The following PRKD1 variants were observed in gnomAD, a reference collection of about 807,000 sequenced individuals.
PRKD1 encodes protein kinase D1.
A neutral mutation model predicts 95.9 loss-of-function variants in PRKD1; 63 were observed. That is an observed-to-expected ratio of 0.66 (90% CI 0.54 to 0.81). The LOEUF is 0.81. Among genes scored for constraint, PRKD1 ranks in the 30% least tolerant of loss-of-function variants. PRKD1 has a pLI of 0.00. For synonymous variants in PRKD1, 425 were observed against 423.1 expected (o/e 1.00, Z -0.05); for missense variants, 1,048 against 1,165.3 (o/e 0.90, Z 1.47).
rs184836834 is a variant in PRKD1 at position 29,708,724 on chromosome 14, G to A, written c.403+16812C>T. Among the ~76,000 whole-genome samples, 69 of 152,154 alleles carry A rather than the reference G, an allele frequency of 4.5e-4. No homozygotes were observed. The East Asian group carries it at 8.7e-3, about 19-fold the overall frequency. On this transcript the variant is annotated intron_variant, in intron 2 of 17. Coordinates refer to ENST00000331968, the MANE Select transcript of PRKD1 (RefSeq NM_002742.3). ...AAAAATTAGCCGGGCATGGTGGCTC[G>A]CATGCCAGTAGTCCCAGCTACGGAA...
chr14:29,660,677 C>A (rs1882140325), intron 4 of PRKD1, among the ~76,000 whole-genome samples: 1 of 151,944 alleles, frequency 6.6e-6, no homozygotes, highest in South Asian at 2.1e-4. Context: ...GGTGTGGGTT[C>A]AATTGGCTTT....
At chr14:29,642,531 C>T (rs138775472) in intron 4 of PRKD1, among the ~76,000 whole-genome samples, 474 of 152,142 alleles carry the variant, frequency 3.1e-3, no homozygotes, top group Middle Eastern at 0.01. Flanking sequence ...AATCATAATG[C>T]TGACAGAAAT....
chr14:29,620,680 C>G (rs1173758978), intron 13 of PRKD1, among the ~76,000 whole-genome samples: 386 of 152,026 alleles, frequency 2.5e-3, no homozygotes, highest in Non-Finnish European at 4.2e-3. Flanking sequence ...GAAACAACAG[C>G]TGCTGGAGAG....
At chr14:29,610,665 T>C (rs770970212) in intron 13 of PRKD1, among the ~76,000 whole-genome samples, 7 of 152,368 alleles carry the variant, frequency 4.6e-5, no homozygotes, top group Non-Finnish European at 8.8e-5. Context: ...TCTGGGTATT[T>C]ACCCAAAGAA....
At chr14:29,685,202 C>A (rs1231753110) in intron 2 of PRKD1, among the ~76,000 whole-genome samples, 1 of 152,122 alleles carries the variant, frequency 6.6e-6, no homozygotes, top group Admixed American at 6.6e-5. Context: ...GATAGGGGCA[C>A]CTTATTTGTA....
intron 1 of PRKD1, among the ~76,000 whole-genome samples, chr14:29,822,702 T>A (rs933073772): frequency 3.9e-5 from 6 of 152,114 alleles, no homozygotes; most frequent in Admixed American, 3.9e-4. Flanking sequence ...AAAATGTAGA[T>A]CTAAGTACAG....
intron 2 of PRKD1, among the ~76,000 whole-genome samples, chr14:29,697,573 C>T (rs1884596764): frequency 6.6e-6 from 1 of 152,140 alleles, no homozygotes; most frequent in Admixed American, 6.5e-5. Context: ...TAACCCATTG[C>T]AAACATCTAT....
intron 4 of PRKD1, chr14:29,650,623 T>C (rs1376948248): frequency 1.3e-5 from 2 of 152,220 alleles, no homozygotes; most frequent in African/African-American, 2.4e-5. Context: ...ACATGTATCC[T>C]GAAAGACTGA....
At chr14:29,688,948 C>CAAAAAAAAAAAA (rs377212196) in intron 2 of PRKD1, among the ~76,000 whole-genome samples, 74 of 32,496 alleles carry the variant, frequency 2.3e-3, no homozygotes, top group African/African-American at 3.1e-3. Context: ...GACTCCGTCT[C>CAAAAAAAAAAAA]AAAAAAAAAA....
intron 2 of PRKD1, among the ~76,000 whole-genome samples, chr14:29,678,645 G>A (rs992218084): frequency 1.2e-4 from 19 of 152,152 alleles, no homozygotes; most frequent in South Asian, 4.1e-4. Context: ...CAAAGAGTAT[G>A]TGTGTGCACA....
intron 1 of PRKD1, among the ~76,000 whole-genome samples, chr14:29,729,116 A>C (rs1030500997): frequency 6.6e-6 from 1 of 152,152 alleles, no homozygotes; most frequent in Non-Finnish European, 1.5e-5. Flanking sequence ...CCTATATTTT[A>C]TTCTACAAAT....
chr14:29,677,633 T>C (rs1433291031), intron 2 of PRKD1, among the ~76,000 whole-genome samples: 1 of 152,220 alleles, frequency 6.6e-6, no homozygotes, highest in Admixed American at 6.5e-5. Flanking sequence ...TGGAGTGCAG[T>C]GGCACAATCT....
At chr14:29,620,725 G>A (rs537067626) in intron 13 of PRKD1, among the ~76,000 whole-genome samples, 2 of 152,258 alleles carry the variant, frequency 1.3e-5, no homozygotes, top group Non-Finnish European at 2.9e-5. Flanking sequence ...CACACTGTTG[G>A]TGGGACTGTA....
chr14:29,856,318 C>A (rs1892499142), intron 1 of PRKD1, among the ~76,000 whole-genome samples: 1 of 152,142 alleles, frequency 6.6e-6, no homozygotes, highest in South Asian at 2.1e-4. Flanking sequence ...ATTCCCCAAT[C>A]CCTTTGAAAA....
rs535107143 is a variant in PRKD1 at position 29,850,455 on chromosome 14, C to A, written c.264+76794G>T. Among the ~76,000 whole-genome samples the A allele has an allele frequency of 6.4e-5, 5 of 77,986 alleles. No individual in the cohort carries two copies. The South Asian group carries it at 1.9e-3, about 30-fold the overall frequency. 51.2% of individuals were successfully genotyped at this position (77,986 alleles called of 152,430 possible). ...ATCAAGAAAGCAACCCCATTCAAAA[C>A]ACACACACACACACACACACACACA... On this transcript the variant is annotated intron_variant, in intron 1 of 17. Transcript: ENST00000331968.
chr14:29,764,526 C>T (rs1888172069), intron 1 of PRKD1, among the ~76,000 whole-genome samples: 1 of 152,090 alleles, frequency 6.6e-6, no homozygotes, highest in Non-Finnish European at 1.5e-5. Context: ...AAGTCCAAGA[C>T]CAAGGTGCAG....
intron 13 of PRKD1, among the ~76,000 whole-genome samples, chr14:29,609,715 T>TTTC (rs375374670): frequency 1.6e-5 from 1 of 62,610 alleles, no homozygotes; most frequent in African/African-American, 8.3e-5. Context: ...TATTTCTTTA[T>TTTC]TTTTTTTTTT....
intron 2 of PRKD1, among the ~76,000 whole-genome samples, chr14:29,673,899 G>C: frequency 6.6e-6 from 1 of 152,094 alleles, no homozygotes; most frequent in East Asian, 1.9e-4. Context: ...GGAAGACCTG[G>C]ACTCTGATCC....
chr14:29,577,191 G>T lies in PRKD1; in HGVS notation c.*47C>A. On this transcript the variant is annotated 3_prime_UTR_variant, in exon 18 of 18. Coordinates refer to ENST00000331968, the MANE Select transcript of PRKD1 (RefSeq NM_002742.3). ...AGGCAAATGTTAAACCTGACCGTAT[G>T]TATTTATTAGTTCCACAGTGTTTTG... The T allele has an allele frequency of 6.5e-7, 1 of 1,550,104 alleles. No homozygotes were observed. Among genetic ancestry groups the T allele is most frequent in the Non-Finnish European group, 8.9e-7 (1 of 1,124,180 alleles).
Sources: gnomAD v4.1 joint callset for allele counts (sites outside exome capture counted in the v4.1 genomes callset) on GRCh38, gnomAD v4.1.1 for gene constraint, MANE v1.5 for transcripts, NCBI Gene and HGNC (gene_info 2026-07-23, HGNC 2026-07-21) for gene names.